ZNF462: variants seen among roughly 807,000 people sequenced by gnomAD.
ZNF462 encodes zinc finger protein 462.
Under a neutral mutation model 201.9 loss-of-function variants are expected in ZNF462, and 10 were observed. The observed-to-expected ratio is 0.05, with a 90% CI of 0.03 to 0.08. ZNF462 has a LOEUF of 0.08. ZNF462 is among the 10% of genes least tolerant of loss of function. The pLI, the probability that ZNF462 is intolerant of heterozygous loss-of-function variation, is 1.00. For missense variants in ZNF462, 2,523 were observed against 3,168.3 expected (o/e 0.80, Z 4.89); for synonymous variants, 1,227 against 1,193.3 (o/e 1.03, Z -0.58).
intron 1 of ZNF462, among the ~76,000 whole-genome samples, chr9:106,882,732 AGGC>A (rs1828153162): frequency 1.3e-5 from 2 of 152,242 alleles, no homozygotes; most frequent in South Asian, 4.1e-4. Flanking sequence ...CAGTGATTCA[AGGC>A]CATTGGTTCT....
chr9:106,903,560 A>G (rs1829147059), intron 1 of ZNF462, among the ~76,000 whole-genome samples: 1 of 151,922 alleles, frequency 6.6e-6, no homozygotes, highest in Admixed American at 6.6e-5. Flanking sequence ...TTGTTATCTC[A>G]TTTCTTAGGT....
rs1455010288 is a variant in ZNF462 at position 106,933,432 on chromosome 9, C to A, written c.6116+883C>A. Reference sequence around the variant, plus strand: ...TCTAATCTTTGTCATCAGATCCATACATTGGCATAAAACTTGAAATACTTC... The same window carrying A: ...TCTAATCTTTGTCATCAGATCCATAAATTGGCATAAAACTTGAAATACTTC... On this transcript the variant is annotated intron_variant, in intron 5 of 12. Transcript: ENST00000277225. This position sits in a 1 kb window ranked among gnomAD's most constrained non-coding sequence, Gnocchi z 4.3. 6.6e-6 allele frequency among the ~76,000 whole-genome samples: 1 copy of A among 152,114 alleles called. No homozygotes were observed. Among genetic ancestry groups the A allele is most frequent in the Admixed American group, 6.5e-5 (1 of 15,276 alleles).
intron 9 of ZNF462, chr9:106,975,931 A>T (rs534679276): frequency 6.6e-6 from 1 of 152,364 alleles, no homozygotes; most frequent in Admixed American, 6.5e-5. Flanking sequence ...GCTTACACGC[A>T]CAGTCACTTC....
At chr9:106,884,781 C>T (rs1300166253) in intron 1 of ZNF462, among the ~76,000 whole-genome samples, 6 of 151,922 alleles carry the variant, frequency 3.9e-5, no homozygotes, top group South Asian at 2.1e-4. Context: ...ACTTGTTGAC[C>T]GAGGACTTGT....
chr9:106,909,682 T>A (rs2131287572), intron 1 of ZNF462, among the ~76,000 whole-genome samples: 1 of 152,306 alleles, frequency 6.6e-6, no homozygotes, highest in Middle Eastern at 3.4e-3. Context: ...ACAGCTTCAC[T>A]TTTTTTCTGT....
chr9:106,897,785 A>G (rs1242500687), intron 1 of ZNF462, among the ~76,000 whole-genome samples: 1 of 152,180 alleles, frequency 6.6e-6, no homozygotes, highest in Non-Finnish European at 1.5e-5. Context: ...GATGGCATTG[A>G]GATTAGGGAA....
chr9:106,976,870 T>C (rs1045782835), intron 9 of ZNF462, among the ~76,000 whole-genome samples: 2 of 152,164 alleles, frequency 1.3e-5, no homozygotes, highest in Admixed American at 1.3e-4. Flanking sequence ...GGCTAACAAC[T>C]TGACGAACAT....
intron 1 of ZNF462, among the ~76,000 whole-genome samples, chr9:106,878,557 T>C (rs1321723960): frequency 1.3e-5 from 2 of 152,214 alleles, no homozygotes; most frequent in East Asian, 3.9e-4. Flanking sequence ...ACGGCTACAG[T>C]ATGCCTAGGT....
rs1418905779 is a variant in ZNF462 at position 106,905,047 on chromosome 9, T to C, written c.-30-18307T>C. ...GTTTTCTGGTTTCTTCTCATTTGGG[T>C]AGGCTCTGTCAGAGGGAAGGTCTAT... is the stretch of plus-strand genomic sequence containing the variant. On this transcript the variant is annotated intron_variant, in intron 1 of 12. Coordinates refer to ENST00000277225, the MANE Select transcript of ZNF462 (RefSeq NM_021224.6). The surrounding 1 kb of genome is among the most constrained non-coding windows in gnomAD (Gnocchi z 5.9). Among the ~76,000 whole-genome samples, 1 of 152,160 alleles carries C rather than the reference T, an allele frequency of 6.6e-6. No individual in the cohort carries two copies. Among genetic ancestry groups the C allele is most frequent in the Non-Finnish European group, 1.5e-5 (1 of 68,024 alleles).
In ZNF462 at chr9:106,933,186, A is replaced by C. The variant is rs569552780; in HGVS notation, c.6116+637A>C. On this transcript the variant is annotated intron_variant, in intron 5 of 12. Transcript: ENST00000277225. This position sits in a 1 kb window ranked among gnomAD's most constrained non-coding sequence, Gnocchi z 4.3. ...CCTTTCTCTTTCAGCCGTGTAAAAG[A>C]GAGATAAATATTCAATAATGCGTTT... is the stretch of plus-strand genomic sequence containing the variant. 3 of 155,710 alleles carry C rather than the reference A, an allele frequency of 1.9e-5. No individual in the cohort carries two copies. Among genetic ancestry groups the C allele is most frequent in the Admixed American group, 1.2e-4 (2 of 16,196 alleles). 9.6% of individuals were successfully genotyped at this position (155,710 alleles called of 1,614,324 possible).
At chr9:106,908,076 T>C (rs1274470043) in intron 1 of ZNF462, among the ~76,000 whole-genome samples, 1 of 152,124 alleles carries the variant, frequency 6.6e-6, no homozygotes, top group Non-Finnish European at 1.5e-5. Flanking sequence ...TTTTTTAAAT[T>C]TGTAATGTAT....
At chr9:106,911,249 A>G (rs974318775) in intron 1 of ZNF462, among the ~76,000 whole-genome samples, 3 of 152,216 alleles carry the variant, frequency 2.0e-5, no homozygotes, top group Non-Finnish European at 4.4e-5. Flanking sequence ...TAATTGCTAT[A>G]TAAGAAGTTA....
rs1039372108 is a variant in ZNF462 at position 106,933,403 on chromosome 9, A to C, written c.6116+854A>C. On this transcript the variant is annotated intron_variant, in intron 5 of 12. Coordinates refer to ENST00000277225, the MANE Select transcript of ZNF462 (RefSeq NM_021224.6). This position sits in a 1 kb window ranked among gnomAD's most constrained non-coding sequence, Gnocchi z 4.3. The stretch of plus-strand genomic sequence containing the variant: ...AACACTTTATTATTATACAGAGCCT[A>C]ATATCTAATCTTTGTCATCAGATCC... 6.6e-6 allele frequency among the ~76,000 whole-genome samples: 1 copy of C among 152,222 alleles called. No homozygotes were observed. Among genetic ancestry groups the C allele is most frequent in the African/African-American group, 2.4e-5 (1 of 41,448 alleles).
At chr9:106,868,463 G>C (rs752442118) in intron 1 of ZNF462, among the ~76,000 whole-genome samples, 1 of 152,156 alleles carries the variant, frequency 6.6e-6, no homozygotes, top group African/African-American at 2.4e-5. Context: ...CTGAAGTTTC[G>C]GGGTGAGGAG....
At chr9:106,878,352 C>T (rs1320803949) in intron 1 of ZNF462, among the ~76,000 whole-genome samples, 2 of 152,226 alleles carry the variant, frequency 1.3e-5, no homozygotes, top group African/African-American at 4.8e-5. Flanking sequence ...GCCTCTGGTA[C>T]AGATGGCATG....
At chr9:106,892,521 A>C (rs200577395) in intron 1 of ZNF462, among the ~76,000 whole-genome samples, 26 of 151,910 alleles carry the variant, frequency 1.7e-4, no homozygotes, top group South Asian at 6.2e-4. Flanking sequence ...TTTATTGAAA[A>C]TTTTTACCGT....
At position 107,005,333 on chromosome 9, in the gene ZNF462, A is replaced by G. The variant is rs1194227505; in HGVS notation, c.7189+1907A>G. On this transcript the variant is annotated intron_variant, in intron 11 of 12. Transcript: ENST00000277225. The surrounding 1 kb of genome is among the most constrained non-coding windows in gnomAD (Gnocchi z 4.4). ...GTACTAATTTGCAGTCCCACCAACA[A>G]TGCAACAGGAGTTCGCTTATCTCCA... Among the ~76,000 whole-genome samples the G allele has an allele frequency of 2.6e-5, 4 of 152,176 alleles. No homozygotes were observed. Among genetic ancestry groups the G allele is most frequent in the African/African-American group, 9.6e-5 (4 of 41,460 alleles).
Position 106,890,481 on chromosome 9 carries a change from C to G in ZNF462, c.-31+27126C>G, listed in dbSNP as rs1474649701. The stretch of plus-strand genomic sequence containing the variant: ...CTTAATCAAATATCATATCCACACA[C>G]CTGCAGTTCTTTCTCTGTGTCCACA... On this transcript the variant is annotated intron_variant, in intron 1 of 12. Transcript: ENST00000277225. This position sits in a 1 kb window ranked among gnomAD's most constrained non-coding sequence, Gnocchi z 4.2. Among the ~76,000 whole-genome samples, 1 of 152,194 alleles carries G rather than the reference C, an allele frequency of 6.6e-6. No individual in the cohort carries two copies. The highest frequency in any genetic ancestry group is 1.5e-5 in the Non-Finnish European group (1 of 68,040).
rs117540170 is a variant in ZNF462, at chr9:106,913,297, A to G, written c.-30-10057A>G. Among the ~76,000 whole-genome samples the G allele has an allele frequency of 7.2e-5, 11 of 152,230 alleles. No individual in the cohort carries two copies. The highest frequency in any genetic ancestry group is 2.0e-4 in the Admixed American group (3 of 15,292). ...TTTTGCTTTGTTTTTCTGTTCATGG[A>G]TGCTCTCTGGAATTCCTTAGGTTCT... is the stretch of plus-strand genomic sequence containing the variant. On this transcript the variant is annotated intron_variant, in intron 1 of 12. Transcript: ENST00000277225. The surrounding 1 kb of genome is among the most constrained non-coding windows in gnomAD (Gnocchi z 4.1).
Sources: gnomAD v4.1 joint callset for allele counts (sites outside exome capture counted in the v4.1 genomes callset) on GRCh38, gnomAD v4.1.1 for gene constraint, Gnocchi (gnomAD v3.1) non-coding constraint, MANE v1.5 for transcripts, NCBI Gene and HGNC (gene_info 2026-07-23, HGNC 2026-07-21) for gene names.